Variants in CEP164 observed in about 807,000 individuals in gnomAD.
CEP164 encodes centrosomal protein 164.
A neutral mutation model predicts 182.7 loss-of-function variants in CEP164; 162 were observed. That is an observed-to-expected ratio of 0.89 (90% CI 0.78 to 1.01). The LOEUF (loss-of-function observed/expected upper bound fraction) is 1.01, where lower values mean the gene tolerates loss of function less well. CEP164 is among the 50% of genes least tolerant of loss of function. The probability of loss-of-function intolerance (pLI) is 0.00; values close to 1 mark genes in which losing one functional copy is unlikely to be tolerated. For synonymous variants in CEP164, 661 were observed against 690.0 expected, an observed-to-expected ratio of 0.96 and a Z score of 0.66; for missense variants, 1,735 against 1,790.4, an observed-to-expected ratio of 0.97 and a Z score of 0.56.
rs1175060061 is a variant in CEP164, at chr11:117,408,906, C to T, written c.3626C>T (p.Thr1209Ile). ...SLWEEASDEG[T>I]LGGSPTKKAV... ...ACCCCACAGGCCTCAGATGAGGGCA[C>T]TCTGGGAGGATCCCCCACCAAGAAG... is the stretch of plus-strand genomic sequence containing the variant. The change falls in exon 29 of 33, where the codon ACT becomes ATT. Residue 1209 changes from threonine (T) to isoleucine (I), a missense_variant. Coordinates refer to ENST00000278935, the MANE Select transcript of CEP164 (RefSeq NM_014956.5). 3.1e-6 allele frequency: 5 copies of T among 1,614,090 alleles called. No homozygotes were observed. Among genetic ancestry groups the T allele is most frequent in the South Asian group, 1.1e-5 (1 of 91,060 alleles).
At chr11:117,336,708 C>G in intron 2 of CEP164, 1 of 726,716 alleles carries the variant, frequency 1.4e-6, no homozygotes, top group Admixed American at 2.3e-5. Context: ...TTTTTAATGG[C>G]TGGGCCTTTC....
At chr11:117,397,755 G>A (rs1398918558) in intron 27 of CEP164, among the ~76,000 whole-genome samples, 1 of 152,056 alleles carries the variant, frequency 6.6e-6, no homozygotes, top group African/African-American at 2.4e-5. Context: ...ACAGTATGGG[G>A]GAAATGGCCC....
At chr11:117,387,174 G>GATGAT (rs772391850) in intron 14 of CEP164, 29 bp from the exon 15 acceptor site, 2 of 1,595,888 alleles carry the variant, frequency 1.3e-6, no homozygotes, top group Non-Finnish European at 1.7e-6. Context: ...TTAACCCTGT[G>GATGAT]ATGATATGCC....
Position 117,344,197 on chromosome 11 carries a change from T to C in CEP164, c.114T>C (p.Ile38=), listed in dbSNP as rs2038551819. 2 of 1,613,562 alleles carry C rather than the reference T, an allele frequency of 1.2e-6. No homozygotes were observed. The highest frequency in any genetic ancestry group is 1.7e-6 in the Non-Finnish European group (2 of 1,179,748). Residue 38 remains isoleucine, a synonymous_variant, in exon 4 of 33, where the codon ATT becomes ATC. Coordinates refer to ENST00000278935, the MANE Select transcript of CEP164 (RefSeq NM_014956.5). ...TTGAATTTGCCCGGGAGATTGGTATTGATCCCATCAAGGAACCAGAACTGA... is the reference window on the plus strand; with the variant it reads ...TTGAATTTGCCCGGGAGATTGGTATCGATCCCATCAAGGAACCAGAACTGA... The part of the protein sequence containing the change: ...EILEFAREIG[I]DPIKEPELMW...
intron 8 of CEP164, 51 bp downstream of exon 8, chr11:117,363,557 C>T: frequency 7.6e-7 from 1 of 1,320,042 alleles, no homozygotes; most frequent in Non-Finnish European, 1.1e-6. Context: ...CATATCCCTC[C>T]TGTTTTTATT....
At chr11:117,363,999 C>G (rs1307917633) in intron 8 of CEP164, 1 of 152,222 alleles carries the variant, frequency 6.6e-6, no homozygotes, top group African/African-American at 2.4e-5. Context: ...CTCCCGGTCT[C>G]AAGCAGTCCT....
intron 3 of CEP164, 115 bp downstream of exon 3, chr11:117,338,783 T>C (rs2037609140): frequency 1.2e-6 from 1 of 839,972 alleles, no homozygotes; most frequent in Non-Finnish European, 2.0e-6. Context: ...CAGAGTTGCT[T>C]AGTATATTCG....
intron 15 of CEP164, 104 bp from the exon 16 acceptor site, chr11:117,390,672 CT>C: frequency 7.7e-7 from 1 of 1,303,828 alleles, no homozygotes; most frequent in Non-Finnish European, 1.1e-6. Flanking sequence ...TAGGAAGTTT[CT>C]TAGGCAGGCA....
rs2047483811 is a variant in CEP164, at chr11:117,412,795, G to A, written c.*627G>A. 6.5e-6 allele frequency: 1 copy of A among 152,694 alleles called. No individual in the cohort carries two copies. The highest frequency in any genetic ancestry group is 1.5e-5 in the Non-Finnish European group (1 of 68,166). The allele number at this position is 152,694 out of a possible 1,614,324, so 9.5% of individuals were successfully genotyped here. ...CAGAGCCCTGCCGGAGGGTGCTGGG[G>A]GCTGTCCCTCTGCAGGCACTGTGTT... On this transcript the variant is annotated 3_prime_UTR_variant, in exon 33 of 33. Transcript: ENST00000278935.
chr11:117,339,132 G>C (rs374708894), intron 3 of CEP164, among the ~76,000 whole-genome samples: 330 of 152,200 alleles, frequency 2.2e-3, no homozygotes, highest in African/African-American at 7.5e-3. Context: ...GCCTATTTTT[G>C]TAAATACACC....
At chr11:117,400,081 A>T (rs568500684) in intron 27 of CEP164, among the ~76,000 whole-genome samples, 1 of 152,136 alleles carries the variant, frequency 6.6e-6, no homozygotes. Flanking sequence ...CCTGAATGGT[A>T]TTGCCTAGGT....
Position 117,362,521 on chromosome 11 carries a change from G to A in CEP164, c.670G>A (p.Glu224Lys). 1 of 1,613,526 alleles carries A rather than the reference G, an allele frequency of 6.2e-7. No individual in the cohort carries two copies. The highest frequency in any genetic ancestry group is 8.5e-7 in the Non-Finnish European group (1 of 1,179,948). Residue 224 changes from glutamate to lysine, a missense_variant, in exon 7 of 33, where the codon GAG becomes AAG. By Grantham distance (56) the Glu-to-Lys change is moderately conservative. Coordinates refer to ENST00000278935, the MANE Select transcript of CEP164 (RefSeq NM_014956.5). ...LGEETNEEDE[E>K]ESDNQSVHSS... Reference sequence around the variant, plus strand: ...AGAAGAAACCAATGAGGAGGATGAGGAGGAAAGTGACAACCAGGTAATGAT... The same window carrying A: ...AGAAGAAACCAATGAGGAGGATGAGAAGGAAAGTGACAACCAGGTAATGAT...
At position 117,386,705 on chromosome 11, in the gene CEP164, T is replaced by G. The variant is rs79178029; in HGVS notation, c.1725-498T>G. On this transcript the variant is annotated intron_variant, in intron 14 of 32. Transcript: ENST00000278935. Reference sequence around the variant, plus strand: ...CAGAGCTGGGATACCTGCTGCTGCTTCTTTCATGGGCCCATATACATTGGC... The same window carrying G: ...CAGAGCTGGGATACCTGCTGCTGCTGCTTTCATGGGCCCATATACATTGGC... 6.4e-3 allele frequency: 996 copies of G among 156,394 alleles called. 13 individuals carry two copies. The highest frequency in any genetic ancestry group is 0.021 in the African/African-American group (858 of 41,584). 9.7% of individuals were successfully genotyped at this position (156,394 alleles called of 1,614,324 possible). A position where few individuals can be genotyped will look rare whatever the true frequency, so the allele number is the denominator to read the frequency against.
intron 1 of CEP164, among the ~76,000 whole-genome samples, chr11:117,331,781 C>G (rs966397729): frequency 2.0e-5 from 3 of 150,002 alleles, no homozygotes; most frequent in Non-Finnish European, 3.0e-5. Context: ...GGGTCTCACT[C>G]TGTTGCCCAG....
chr11:117,386,971 G>A, intron 14 of CEP164: 1 of 539,696 alleles, frequency 1.9e-6, no homozygotes, highest in Non-Finnish European at 3.3e-6. Flanking sequence ...AGCCTGCTAT[G>A]GGCTACCCTT....
In CEP164 at chr11:117,395,742, C is replaced by T; in HGVS notation, c.3089+20C>T. 2 of 1,592,492 alleles carry T rather than the reference C, an allele frequency of 1.3e-6. No homozygotes were observed. Among genetic ancestry groups the T allele is most frequent in the South Asian group, 1.2e-5 (1 of 86,840 alleles). ...CTTCAGGTGGCGTGGGCACCCTGCA[C>T]TTAGCCCTGCTGGCTGCCTCCTGCC... On this transcript the variant is annotated intron_variant, in intron 24 of 32. Coordinates refer to ENST00000278935, the MANE Select transcript of CEP164 (RefSeq NM_014956.5).
At chr11:117,400,236 A>G (rs1408577252) in intron 27 of CEP164, among the ~76,000 whole-genome samples, 1 of 152,226 alleles carries the variant, frequency 6.6e-6, no homozygotes, top group East Asian at 1.9e-4. Flanking sequence ...CATTTATTAA[A>G]TAGGGAATCC....
chr11:117,331,981 A>ATAT (rs145023041), intron 1 of CEP164, among the ~76,000 whole-genome samples: 9 of 142,318 alleles, frequency 6.3e-5, no homozygotes, highest in African/African-American at 2.4e-4. Flanking sequence ...ATGCCTGGCT[A>ATAT]ATATATATAT....
intron 13 of CEP164, among the ~76,000 whole-genome samples, chr11:117,382,463 G>A (rs2043433330): frequency 6.6e-6 from 1 of 152,156 alleles, no homozygotes; most frequent in Non-Finnish European, 1.5e-5. Context: ...AAACATGCTG[G>A]TCTTAGAATT....
Sources: allele counts gnomAD v4.1 joint callset (sites outside exome capture counted in the v4.1 genomes callset), GRCh38; gene constraint gnomAD v4.1.1; transcripts MANE v1.5; gene names NCBI Gene and HGNC (gene_info 2026-07-23, HGNC 2026-07-21).